The following GRM3 variants were observed in gnomAD, a reference collection of about 807,000 sequenced individuals.
GRM3 encodes the protein glutamate metabotropic receptor 3, also known as metabotropic glutamate receptor 3.
A neutral mutation model predicts 70.5 loss-of-function variants in GRM3; 26 were observed. The ratio of observed to expected loss-of-function variants is 0.37; its 90% CI spans 0.27 to 0.51. GRM3 has a LOEUF of 0.51. GRM3 is among the 20% of genes least tolerant of loss of function. The pLI is 0.93. For missense variants in GRM3, 859 were observed against 1,123.8 expected, an observed-to-expected ratio of 0.76 and a Z score of 3.37; for synonymous variants, 443 against 434.9, an observed-to-expected ratio of 1.02 and a Z score of -0.23.
At chr7:86,843,611 A>G (rs1241703111) in intron 4 of GRM3, among the ~76,000 whole-genome samples, 1 of 152,216 alleles carries the variant, frequency 6.6e-6, no homozygotes, top group Non-Finnish European at 1.5e-5. Flanking sequence ...GCCATGTTTG[A>G]GTGGAAAGTT....
chr7:86,845,675 A>G (rs569363560), intron 4 of GRM3, among the ~76,000 whole-genome samples: 13 of 152,246 alleles, frequency 8.5e-5, no homozygotes, highest in African/African-American at 2.9e-4. Context: ...TAAAATTAGG[A>G]TGGGGGAGGG....
intron 3 of GRM3, among the ~76,000 whole-genome samples, chr7:86,834,708 A>C (rs1798421445): frequency 6.6e-6 from 1 of 151,932 alleles, no homozygotes; most frequent in Non-Finnish European, 1.5e-5. Flanking sequence ...GAATTATTTA[A>C]AGATATAAAA....
At chr7:86,789,047 A>G (rs1797341142) in intron 3 of GRM3, among the ~76,000 whole-genome samples, 1 of 152,218 alleles carries the variant, frequency 6.6e-6, no homozygotes, top group African/African-American at 2.4e-5. Context: ...ATTTGGATAA[A>G]CAAAACAAAA....
In GRM3 at chr7:86,792,764, T is replaced by A. The variant is rs189845681; in HGVS notation, c.1324+5648T>A. 2.6e-3 allele frequency among the ~76,000 whole-genome samples: 397 copies of A among 152,278 alleles called. 2 individuals carry two copies. Among genetic ancestry groups the A allele is most frequent in the African/African-American group, 8.6e-3 (357 of 41,564 alleles). On this transcript the variant is annotated intron_variant, in intron 3 of 5. Coordinates refer to ENST00000361669, the MANE Select transcript of GRM3 (RefSeq NM_000840.3). ...AAAGCATGATTATTATGGCTTACAA[T>A]GTTAGGGTGTTGCCCTAGGATTTTT...
chr7:86,836,713 TATTATC>T (rs1231775380), intron 3 of GRM3, among the ~76,000 whole-genome samples: 1 of 152,240 alleles, frequency 6.6e-6, no homozygotes, highest in Admixed American at 6.5e-5. Flanking sequence ...TTATTACTTT[TATTATC>T]ATTATCACTA....
chr7:86,776,346 C>G (rs576674845), intron 2 of GRM3, among the ~76,000 whole-genome samples: 1 of 152,250 alleles, frequency 6.6e-6, no homozygotes, highest in East Asian at 1.9e-4. Flanking sequence ...TGATTCCAAC[C>G]CTGTGCACTG....
chr7:86,670,283 AC>A (rs1287856044), intron 1 of GRM3, among the ~76,000 whole-genome samples: 2 of 152,202 alleles, frequency 1.3e-5, no homozygotes. Context: ...AGGGTAAAGA[AC>A]TCAAGATAAA....
chr7:86,800,614 C>CAAT (rs1335984653), intron 3 of GRM3, among the ~76,000 whole-genome samples: 1 of 152,154 alleles, frequency 6.6e-6, no homozygotes, highest in Non-Finnish European at 1.5e-5. Flanking sequence ...CTGAATAGAC[C>CAAT]AATAACAAGT....
chr7:86,667,626 G>T (rs1477956717), intron 1 of GRM3, among the ~76,000 whole-genome samples: 1 of 152,074 alleles, frequency 6.6e-6, no homozygotes, highest in Non-Finnish European at 1.5e-5. Flanking sequence ...GGACAGCAAA[G>T]GTAAAACTGA....
chr7:86,689,391 T>C (rs551742765), intron 1 of GRM3, among the ~76,000 whole-genome samples: 275 of 152,100 alleles, frequency 1.8e-3, no homozygotes, highest in African/African-American at 6.1e-3. Context: ...TATTGTAAGA[T>C]TAAATAAAAT....
intron 1 of GRM3, among the ~76,000 whole-genome samples, chr7:86,753,274 G>A (rs1389898418): frequency 6.6e-6 from 1 of 152,006 alleles, no homozygotes; most frequent in Non-Finnish European, 1.5e-5. Flanking sequence ...GTTATGTTTT[G>A]TTTCATTTAA....
chr7:86,738,021 CTGT>C (rs1795903680), intron 1 of GRM3, among the ~76,000 whole-genome samples: 1 of 152,186 alleles, frequency 6.6e-6, no homozygotes, highest in Non-Finnish European at 1.5e-5. Context: ...AGGTTTCACT[CTGT>C]TGGGGACATT....
chr7:86,788,375 C>T (rs1033732456), intron 3 of GRM3, among the ~76,000 whole-genome samples: 6 of 152,096 alleles, frequency 3.9e-5, no homozygotes, highest in Non-Finnish European at 7.4e-5. Flanking sequence ...CAAAAATCAC[C>T]ACACTGCATG....
chr7:86,671,190 C>T (rs1794162782), intron 1 of GRM3, among the ~76,000 whole-genome samples: 2 of 152,158 alleles, frequency 1.3e-5, no homozygotes, highest in Admixed American at 6.5e-5. Flanking sequence ...TCCTCCATGC[C>T]CACCTAATCC....
intron 1 of GRM3, among the ~76,000 whole-genome samples, chr7:86,733,730 A>T (rs1437749699): frequency 6.6e-6 from 1 of 152,198 alleles, no homozygotes; most frequent in Non-Finnish European, 1.5e-5. Context: ...CACTCGAAGA[A>T]TCATGGACAG....
chr7:86,793,016 CTT>C (rs140134217), intron 3 of GRM3, among the ~76,000 whole-genome samples: 15,159 of 94,058 alleles, frequency 0.16, 799 homozygotes, highest in African/African-American at 0.3. Context: ...GGTTGGTTGC[CTT>C]TTTTTTTTTT....
At chr7:86,775,399 A>G (rs1796859784) in intron 2 of GRM3, 1 of 152,076 alleles carries the variant, frequency 6.6e-6, no homozygotes, top group South Asian at 2.1e-4. Flanking sequence ...TATATTATCA[A>G]CTTACTCAGC....
Position 86,787,012 on chromosome 7 carries a change from T to C in GRM3, c.1220T>C (p.Met407Thr). The change falls in exon 3 of 6, where the codon ATG becomes ACG. Residue 407 changes from methionine to threonine, a missense_variant. By Grantham distance (81) the Met-to-Thr change is moderately conservative. Coordinates refer to ENST00000361669, the MANE Select transcript of GRM3 (RefSeq NM_000840.3). ...VYAMAHALHK[M>T]QRTLCPNTTK... ...GCCATGGCCCACGCTTTGCACAAAA[T>C]GCAGCGCACCCTCTGTCCCAACACT... 3.1e-6 allele frequency: 5 copies of C among 1,613,906 alleles called. No individual in the cohort carries two copies. Among genetic ancestry groups the C allele is most frequent in the Non-Finnish European group, 4.2e-6 (5 of 1,179,892 alleles).
chr7:86,655,820 C>CTGTGTGTGTGTGTG (rs371609030), intron 1 of GRM3, among the ~76,000 whole-genome samples: 1 of 144,436 alleles, frequency 6.9e-6, no homozygotes, highest in Admixed American at 6.9e-5. Flanking sequence ...AAGGCTAACT[C>CTGTGTGTGTGTGTG]TGTGTGTGTG....
Sources: gnomAD v4.1 joint callset for allele counts (sites outside exome capture counted in the v4.1 genomes callset) on GRCh38, gnomAD v4.1.1 for gene constraint, MANE v1.5 for transcripts, NCBI Gene and HGNC (gene_info 2026-07-23, HGNC 2026-07-21) for gene names.